The following BMPER variants were observed in gnomAD, a reference collection of about 807,000 sequenced individuals.
The protein encoded by BMPER is BMP-binding endothelial regulator protein.
In BMPER, 45 loss-of-function variants were observed where a neutral mutation model predicts 87.3. That is an observed-to-expected ratio of 0.52 (90% confidence interval 0.41 to 0.66). The LOEUF is 0.66. Ranked by LOEUF, BMPER falls within the 30% of genes least tolerant of loss-of-function variation. The pLI, the probability that BMPER is intolerant of heterozygous loss-of-function variation, is 0.00. For synonymous variants in BMPER, 326 were observed against 316.2 expected, an observed-to-expected ratio of 1.03 and a Z score of -0.33; for missense variants, 784 against 867.5, an observed-to-expected ratio of 0.90 and a Z score of 1.21.
intron 11 of BMPER, among the ~76,000 whole-genome samples, chr7:34,070,756 C>T (rs545669796): frequency 7.3e-5 from 11 of 150,566 alleles, no homozygotes; most frequent in South Asian, 2.1e-4. Context: ...AATATGCTGA[C>T]GTGCATGGTG....
chr7:34,109,165 A>G (rs1176747684), intron 13 of BMPER, among the ~76,000 whole-genome samples: 3 of 152,190 alleles, frequency 2.0e-5, no homozygotes, highest in Admixed American at 6.5e-5. Context: ...AACTGATGTC[A>G]TAGTCCCAGT....
intron 6 of BMPER, among the ~76,000 whole-genome samples, chr7:34,011,447 C>T (rs1266008184): frequency 6.6e-6 from 1 of 151,526 alleles, no homozygotes; most frequent in Non-Finnish European, 1.5e-5. Context: ...TTTGTATATG[C>T]AAAGTTTCAC....
chr7:34,007,884 C>G (rs1034945649), intron 6 of BMPER, among the ~76,000 whole-genome samples: 3 of 151,902 alleles, frequency 2.0e-5, no homozygotes, highest in Non-Finnish European at 4.4e-5. Context: ...TGTGAAACTG[C>G]TCTTTTTGAA....
At chr7:34,090,921 G>A (rs1421260486) in intron 13 of BMPER, among the ~76,000 whole-genome samples, 1 of 152,200 alleles carries the variant, frequency 6.6e-6, no homozygotes. Context: ...AGTGTCTGGG[G>A]ATTCCCAGTC....
intron 11 of BMPER, among the ~76,000 whole-genome samples, chr7:34,068,485 A>G (rs2127968745): frequency 6.6e-6 from 1 of 152,364 alleles, no homozygotes; most frequent in Middle Eastern, 3.4e-3. Flanking sequence ...TGGAGACTCA[A>G]GTCCCCAGGC....
chr7:33,967,222 TA>T, intron 4 of BMPER, among the ~76,000 whole-genome samples: 1 of 152,348 alleles, frequency 6.6e-6, no homozygotes, highest in African/African-American at 2.4e-5. Flanking sequence ...AAAAACTTTT[TA>T]TAAATAATCT....
chr7:33,939,101 C>T (rs1485890761), intron 3 of BMPER, among the ~76,000 whole-genome samples: 5 of 152,094 alleles, frequency 3.3e-5, no homozygotes, highest in Admixed American at 6.6e-5. Flanking sequence ...ATGCATTTAC[C>T]GTACTGCATG....
At position 34,065,199 on chromosome 7, in the gene BMPER, A is replaced by ACTCTCTCTCTCT. The variant is rs372015069; in HGVS notation, c.1078+3155_1078+3156insTCTCTCTCTCTC. Among the ~76,000 whole-genome samples the ACTCTCTCTCTCT allele has an allele frequency of 5.3e-3, 498 of 93,936 alleles. 5 individuals carry two copies. Among genetic ancestry groups the ACTCTCTCTCTCT allele is most frequent in the African/African-American group, 1.0e-2 (253 of 25,394 alleles). The allele number at this position is 93,936 out of a possible 152,430, so 61.6% of individuals were successfully genotyped here. A position where few individuals can be genotyped will look rare whatever the true frequency, so the allele number is the denominator to read the frequency against. ...CTCTCGGACACACACACACATACAC[A>ACTCTCTCTCTCT]CTCACTCTCTCTCTCTCTCTCTCTC... On this transcript the variant is annotated intron_variant, in intron 11 of 14. Transcript: ENST00000649409.
chr7:33,959,095 A>G (rs1341350954), intron 3 of BMPER, among the ~76,000 whole-genome samples: 10 of 152,270 alleles, frequency 6.6e-5, no homozygotes, highest in Admixed American at 1.3e-4. Flanking sequence ...GCCCTGTGGA[A>G]CTGTGAGTCC....
In BMPER at chr7:33,937,325, G is replaced by A. The variant is rs199793163; in HGVS notation, c.256G>A (p.Val86Met). Residue 86 changes from valine to methionine, a missense_variant, in exon 3 of 15, where the codon GTG (valine) becomes ATG (methionine). Val to Met is a conservative substitution (Grantham distance 21). Coordinates refer to ENST00000649409, the MANE Select transcript of BMPER (RefSeq NM_001365308.1). ...EVTCKREKCP[V>M]LSRDCALAIK... is the part of the protein sequence containing the mutation. ...GACATGTAAGAGAGAGAAGTGCCCC[G>A]TGCTGTCCCGAGACTGTGCCCTGGC... 9.9e-5 allele frequency: 160 copies of A among 1,614,192 alleles called. No individual in the cohort carries two copies. The highest frequency in any genetic ancestry group is 1.3e-4 in the Non-Finnish European group (148 of 1,180,018).
chr7:33,998,899 G>A (rs899265244), intron 6 of BMPER, among the ~76,000 whole-genome samples: 1 of 152,242 alleles, frequency 6.6e-6, no homozygotes, highest in Non-Finnish European at 1.5e-5. Flanking sequence ...AGAAGGTGAA[G>A]TTTTGAAGGC....
intron 12 of BMPER, among the ~76,000 whole-genome samples, chr7:34,084,540 G>C (rs2127976471): frequency 6.6e-6 from 1 of 152,224 alleles, no homozygotes; most frequent in African/African-American, 2.4e-5. Flanking sequence ...GCACTGCCAG[G>C]GTGTTGCCAG....
At chr7:33,947,128 A>G (rs1040921379) in intron 3 of BMPER, among the ~76,000 whole-genome samples, 2 of 152,220 alleles carry the variant, frequency 1.3e-5, no homozygotes, top group African/African-American at 2.4e-5. Context: ...TCTAATTTGA[A>G]AAAACTCAAT....
chr7:34,065,322 A>C (rs879482588), intron 11 of BMPER, among the ~76,000 whole-genome samples: 20 of 148,806 alleles, frequency 1.3e-4, no homozygotes, highest in Middle Eastern at 3.6e-3. Context: ...TGGCCAGATC[A>C]TCCTGTCGTG....
chr7:34,125,047 G>T (rs1014580), intron 13 of BMPER, among the ~76,000 whole-genome samples: 118,105 of 151,604 alleles, frequency 0.78, 46,371 homozygotes, highest in East Asian at 0.95. Context: ...TCTAATATAC[G>T]GTTGAATTCT....
At chr7:33,924,435 C>G (rs1784310301) in intron 2 of BMPER, among the ~76,000 whole-genome samples, 1 of 152,178 alleles carries the variant, frequency 6.6e-6, no homozygotes, top group Non-Finnish European at 1.5e-5. Flanking sequence ...CGCTGCGGCT[C>G]CGGACGCCAT....
chr7:34,085,771 G>A lies in BMPER; in HGVS notation c.1424G>A (p.Trp475Ter). The A allele has an allele frequency of 6.2e-7, 1 of 1,614,024 alleles. No individual in the cohort carries two copies. Among genetic ancestry groups the A allele is most frequent in the Non-Finnish European group, 8.5e-7 (1 of 1,179,916 alleles). Residue 475 changes from tryptophan to a stop codon, truncating the protein, a stop_gained, in exon 13 of 15, where the codon TGG (tryptophan) becomes TAG (stop). Transcript: ENST00000649409. LOFTEE classifies it high-confidence loss of function. ...VTTKAGLEIS[W>*]DGDSFVEVMA... is the part of the protein sequence containing the mutation. ...CCTCCTCTAGGTTTGGAAATATCTT[G>A]GGATGGAGACAGTTTTGTAGAAGTC...
rs889240617 is a variant in BMPER at position 34,058,085 on chromosome 7, T to C, written c.954T>C (p.Asn318=). 3.1e-6 allele frequency: 5 copies of C among 1,614,008 alleles called. No individual in the cohort carries two copies. The highest frequency in any genetic ancestry group is 2.7e-5 in the African/African-American group (2 of 74,926). ...ATGGAGAGATGTGGTCCTCTATCAA[T>C]TGTACCATCTGTGCTTGTGTGAAAG... ...FQDGEMWSSI[N]CTICACVKGR... Residue 318 remains asparagine (N), a synonymous_variant, in exon 10 of 15, where the codon AAT becomes AAC. Transcript: ENST00000649409.
intron 13 of BMPER, among the ~76,000 whole-genome samples, chr7:34,131,695 G>T (rs1042408949): frequency 6.6e-6 from 1 of 152,154 alleles, no homozygotes; most frequent in African/African-American, 2.4e-5. Context: ...CCCAATTACT[G>T]CACTCTCTGG....
Sources: gnomAD v4.1 joint callset for allele counts (sites outside exome capture counted in the v4.1 genomes callset) on GRCh38, gnomAD v4.1.1 for gene constraint, MANE v1.5 for transcripts, NCBI Gene and HGNC (gene_info 2026-07-23, HGNC 2026-07-21) for gene names.